The following CPSF6 variants were observed in gnomAD, a reference collection of about 807,000 sequenced individuals.
CPSF6 encodes cleavage and polyadenylation specific factor 6.
Under a neutral mutation model 56.7 loss-of-function variants are expected in CPSF6, and 10 were observed. The ratio of observed to expected loss-of-function variants is 0.18; its 90% CI spans 0.11 to 0.30. The LOEUF is 0.30. Among genes scored for constraint, CPSF6 ranks in the 10% least tolerant of loss-of-function variants. The pLI is 1.00. For synonymous variants in CPSF6, 248 were observed against 244.8 expected (o/e 1.01, Z -0.12); for missense variants, 419 against 722.9 (o/e 0.58, Z 4.82).
intron 3 of CPSF6, among the ~76,000 whole-genome samples, chr12:69,253,772 C>CT (rs1327850522): frequency 6.6e-6 from 1 of 152,094 alleles, no homozygotes; most frequent in Non-Finnish European, 1.5e-5. Context: ...TCTCTAATGT[C>CT]TAATTCTTTT....
intron 9 of CPSF6, among the ~76,000 whole-genome samples, chr12:69,264,771 G>A (rs1056436533): frequency 6.0e-4 from 91 of 152,094 alleles, no homozygotes; most frequent in African/African-American, 2.1e-3. Flanking sequence ...TGGGGACTGG[G>A]ATTAAATATA....
chr12:69,249,274 AAAAT>A (rs920126192), intron 1 of CPSF6, among the ~76,000 whole-genome samples: 1 of 149,626 alleles, frequency 6.7e-6, no homozygotes, highest in Non-Finnish European at 1.5e-5. Flanking sequence ...CCGTCTCAAA[AAAAT>A]AAATAAATAA....
intron 9 of CPSF6, among the ~76,000 whole-genome samples, chr12:69,264,983 T>C (rs976537133): frequency 1.3e-5 from 2 of 152,138 alleles, no homozygotes; most frequent in Non-Finnish European, 2.9e-5. Flanking sequence ...ACTAATGTAA[T>C]CTATTAAAGT....
intron 9 of CPSF6, among the ~76,000 whole-genome samples, chr12:69,263,379 T>C: frequency 6.6e-6 from 1 of 152,118 alleles, no homozygotes; most frequent in Non-Finnish European, 1.5e-5. Flanking sequence ...TGGGAAGAGT[T>C]GTCTGTTTAT....
At chr12:69,260,000 A>G (rs1209864548) in intron 7 of CPSF6, 44 bp from the exon 8 acceptor site, 2 of 1,600,568 alleles carry the variant, frequency 1.2e-6, no homozygotes, top group South Asian at 1.1e-5. Context: ...GGTGTTTTGA[A>G]AACAAAATTT....
intron 1 of CPSF6, among the ~76,000 whole-genome samples, chr12:69,240,557 A>G (rs1246526115): frequency 6.6e-6 from 1 of 152,196 alleles, no homozygotes; most frequent in African/African-American, 2.4e-5. Flanking sequence ...GAACAAAAAG[A>G]TGTTAGCTCA....
chr12:69,252,031 A>G (rs760592137), intron 2 of CPSF6: 9 of 455,830 alleles, frequency 2.0e-5, no homozygotes, highest in Non-Finnish European at 4.0e-5. Flanking sequence ...GCACCCTTGC[A>G]TTTCCTTAAT....
intron 9 of CPSF6, among the ~76,000 whole-genome samples, chr12:69,266,288 C>T (rs1188747925): frequency 1.3e-5 from 2 of 152,110 alleles, no homozygotes; most frequent in Non-Finnish European, 2.9e-5. Flanking sequence ...TGTATGCTAG[C>T]TTTCATTGCT....
At chr12:69,240,425 T>C (rs1170942713) in intron 1 of CPSF6, among the ~76,000 whole-genome samples, 1 of 152,166 alleles carries the variant, frequency 6.6e-6, no homozygotes, top group African/African-American at 2.4e-5. Context: ...TGGTCCTGCC[T>C]CATTAATCCA....
chr12:69,267,101 T>G lies in CPSF6; in HGVS notation c.*4-2411T>G, dbSNP rs1592812928. 1.3e-5 allele frequency among the ~76,000 whole-genome samples: 2 copies of G among 152,186 alleles called. 1 individual carries two copies. The highest frequency in any genetic ancestry group is 4.1e-4 in the South Asian group (2 of 4,830). On this transcript the variant is annotated intron_variant, in intron 9 of 9. Transcript: ENST00000435070. ...TAGAGAAAAGTGAATTTTATTTCGT[T>G]GAGTTAGTAGTGCATCTCTAAAATT...
chr12:69,240,138 C>CGCCGCCGCCCCTTCCCCGCCGCT, intron 1 of CPSF6, among the ~76,000 whole-genome samples: 1 of 151,932 alleles, frequency 6.6e-6, no homozygotes, highest in Admixed American at 6.5e-5. Flanking sequence ...GCGTGCCCGC[C>CGCCGCCGCCCCTTCCCCGCCGCT]GCCGCCGCCC....
chr12:69,245,638 C>A (rs1403500008), intron 1 of CPSF6, among the ~76,000 whole-genome samples: 1 of 152,100 alleles, frequency 6.6e-6, no homozygotes. Context: ...CAAAAAAATT[C>A]TGTGAACTTT....
chr12:69,265,655 T>C (rs377236378), intron 9 of CPSF6, among the ~76,000 whole-genome samples: 2 of 146,238 alleles, frequency 1.4e-5, no homozygotes, highest in Admixed American at 7.2e-5. Context: ...CAGTCTAGAG[T>C]GCAGTGGCAC....
chr12:69,262,334 A>C (rs372307173), intron 8 of CPSF6, 39 bp from the exon 9 acceptor site: 1 of 1,499,380 alleles, frequency 6.7e-7, no homozygotes, highest in African/African-American at 1.4e-5. Context: ...TAGGCTATCT[A>C]ATTATGGAGA....
chr12:69,256,814 G>A lies in CPSF6; in HGVS notation c.492G>A (p.Leu164=), dbSNP rs768343669. The A allele has an allele frequency of 6.2e-7, 1 of 1,610,482 alleles. No individual in the cohort carries two copies. The highest frequency in any genetic ancestry group is 8.5e-7 in the Non-Finnish European group (1 of 1,179,044). ...TAACTCCATGCAATAAACAGTTCCT[G>A]AGTCAATTTGAAATGCAGTCCAGGA... The part of the protein sequence containing the change: ...PVVTPCNKQF[L]SQFEMQSRKT... Residue 164 remains leucine, a synonymous_variant, in exon 4 of 10, where the codon CTG becomes CTA. Transcript: ENST00000435070.
intron 1 of CPSF6, among the ~76,000 whole-genome samples, chr12:69,246,717 C>G (rs1404021908): frequency 6.6e-6 from 1 of 152,112 alleles, no homozygotes; most frequent in African/African-American, 2.4e-5. Flanking sequence ...AATGTAACTT[C>G]CCCCCTTCAT....
intron 7 of CPSF6, 103 bp downstream of exon 7, chr12:69,259,646 T>C (rs776504694): frequency 3.3e-5 from 32 of 956,172 alleles, no homozygotes; most frequent in Admixed American, 1.5e-4. Flanking sequence ...GTAGTAGTTC[T>C]TTTTATATTC....
At position 69,258,114 on chromosome 12, in the gene CPSF6, C is replaced by T. The variant is rs1326816456; in HGVS notation, c.694+209C>T. On this transcript the variant is annotated intron_variant, in intron 5 of 9. Transcript: ENST00000435070. The surrounding 1 kb of genome is among the most constrained non-coding windows in gnomAD (Gnocchi z 4.2). ...GGATTCCATGGCATATGGGGCACAG[C>T]ATAGAGGAAATACCCATTTTTGGCC... 5.2e-6 allele frequency: 8 copies of T among 1,535,572 alleles called. No homozygotes were observed. The highest frequency in any genetic ancestry group is 2.0e-5 in the Admixed American group (1 of 50,972).
rs903897406 is a variant in CPSF6, at chr12:69,271,178, G to GT, written c.*1673dup. ...AGTATCTGTGCATGGGATCGTTGAT[G>GT]TTTATCAGAACTGTTCACTTTCAGA... is the stretch of plus-strand genomic sequence containing the variant. On this transcript the variant is annotated 3_prime_UTR_variant, in exon 10 of 10. Coordinates refer to ENST00000435070, the MANE Select transcript of CPSF6 (RefSeq NM_007007.3). 1 of 152,084 alleles carries GT rather than the reference G, an allele frequency of 6.6e-6. No homozygotes were observed. The highest frequency in any genetic ancestry group is 1.5e-5 in the Non-Finnish European group (1 of 67,648). The allele number at this position is 152,084 out of a possible 1,614,324, so 9.4% of individuals were successfully genotyped here. A position where few individuals can be genotyped will look rare whatever the true frequency, so the allele number is the denominator to read the frequency against.
Sources: allele counts gnomAD v4.1 joint callset (sites outside exome capture counted in the v4.1 genomes callset), GRCh38; gene constraint gnomAD v4.1.1; non-coding constraint Gnocchi (gnomAD v3.1); transcripts MANE v1.5; gene names NCBI Gene and HGNC (gene_info 2026-07-23, HGNC 2026-07-21).